The following ABCB5 variants were observed in gnomAD, a reference collection of about 807,000 sequenced individuals.
The protein encoded by ABCB5 is ATP-binding cassette sub-family B member 5.
A neutral mutation model predicts 144.2 loss-of-function variants in ABCB5; 155 were observed. The ratio of observed to expected loss-of-function variants is 1.08; its 90% CI spans 0.94 to 1.23. ABCB5 has a LOEUF of 1.23. Among genes scored for constraint, ABCB5 ranks in the 50% most tolerant of loss-of-function variants. The pLI is 0.00. For synonymous variants in ABCB5, 610 were observed against 528.6 expected, an observed-to-expected ratio of 1.15 and a Z score of -2.11; for missense variants, 1,830 against 1,520.8, an observed-to-expected ratio of 1.20 and a Z score of -3.38.
chr7:20,736,745 T>G (rs998680032), intron 23 of ABCB5, among the ~76,000 whole-genome samples: 1 of 152,194 alleles, frequency 6.6e-6, no homozygotes, highest in African/African-American at 2.4e-5. Context: ...AATAAATACT[T>G]GTTGAGTGGA....
rs1783085746 is a variant in ABCB5, at chr7:20,756,320, G to A, written c.*696G>A. On this transcript the variant is annotated 3_prime_UTR_variant, in exon 28 of 28. Coordinates refer to ENST00000404938, the MANE Select transcript of ABCB5 (RefSeq NM_001163941.2). ...GGCAGTATAAGTCACAGGCCTACCTGTTTATGAAAACTTACTTACTTAAAA... is the reference window on the plus strand; with the variant it reads ...GGCAGTATAAGTCACAGGCCTACCTATTTATGAAAACTTACTTACTTAAAA... 1 of 152,248 alleles carries A rather than the reference G, an allele frequency of 6.6e-6. No individual in the cohort carries two copies. The highest frequency in any genetic ancestry group is 2.1e-4 in the South Asian group (1 of 4,812). 9.4% of individuals were successfully genotyped at this position (152,248 alleles called of 1,614,324 possible).
chr7:20,631,927 T>C, intron 4 of ABCB5, 132 bp from the exon 5 acceptor site: 6 of 464,176 alleles, frequency 1.3e-5, no homozygotes, highest in Non-Finnish European at 1.6e-5. Context: ...AATGAGATGA[T>C]AATAAACTGC....
At chr7:20,731,461 TC>T (rs1337956117) in intron 23 of ABCB5, among the ~76,000 whole-genome samples, 1 of 151,724 alleles carries the variant, frequency 6.6e-6, no homozygotes, top group Non-Finnish European at 1.5e-5. Flanking sequence ...CCCAGACCTT[TC>T]ATCTATTACA....
chr7:20,650,219 T>C, intron 12 of ABCB5, 72 bp downstream of exon 12: 3 of 1,549,894 alleles, frequency 1.9e-6, no homozygotes, highest in Admixed American at 1.9e-5. Flanking sequence ...CTGGCAGCTC[T>C]GTAACTTTTC....
chr7:20,697,199 T>A (rs1329064993), intron 16 of ABCB5, among the ~76,000 whole-genome samples: 1 of 152,184 alleles, frequency 6.6e-6, no homozygotes, highest in African/African-American at 2.4e-5. Context: ...TAATCCAATA[T>A]AAATGTGGGT....
chr7:20,619,709 T>C (rs1377029414), intron 1 of ABCB5, among the ~76,000 whole-genome samples: 1 of 152,220 alleles, frequency 6.6e-6, no homozygotes, highest in East Asian at 1.9e-4. Flanking sequence ...AATTTTTGCT[T>C]CTGTCACAAT....
intron 19 of ABCB5, among the ~76,000 whole-genome samples, chr7:20,702,967 A>C (rs564057142): frequency 6.6e-6 from 1 of 151,668 alleles, no homozygotes; most frequent in Non-Finnish European, 1.5e-5. Context: ...CCTATGCTGG[A>C]AAACAATCCC....
At chr7:20,653,219 A>G (rs894789447) in intron 13 of ABCB5, among the ~76,000 whole-genome samples, 1 of 152,200 alleles carries the variant, frequency 6.6e-6, no homozygotes, top group Non-Finnish European at 1.5e-5. Context: ...ATACTACACA[A>G]AGATGTCCCT....
intron 7 of ABCB5, among the ~76,000 whole-genome samples, chr7:20,644,300 A>G (rs1452700782): frequency 1.3e-5 from 2 of 151,996 alleles, no homozygotes; most frequent in Non-Finnish European, 2.9e-5. Flanking sequence ...GCTGATCTCG[A>G]ATTCTTGGGC....
At chr7:20,637,502 C>A (rs887418202) in intron 5 of ABCB5, among the ~76,000 whole-genome samples, 1 of 151,330 alleles carries the variant, frequency 6.6e-6, no homozygotes, top group Non-Finnish European at 1.5e-5. Context: ...CTCACTGCAA[C>A]CTCTGCCTCC....
intron 23 of ABCB5, among the ~76,000 whole-genome samples, chr7:20,730,640 T>C (rs554292320): frequency 1.5e-3 from 230 of 152,336 alleles, no homozygotes; most frequent in South Asian, 2.7e-3. Flanking sequence ...TGGGTTTCAT[T>C]CTGATTACAT....
chr7:20,648,133 G>A, intron 11 of ABCB5, 55 bp downstream of exon 11: 1 of 1,067,220 alleles, frequency 9.4e-7, no homozygotes, highest in Non-Finnish European at 1.4e-6. Flanking sequence ...TCTTCTACTG[G>A]CCAAGATCTT....
chr7:20,647,479 A>G (rs1289484464), intron 9 of ABCB5, 56 bp from the exon 10 acceptor site: 53 of 1,502,508 alleles, frequency 3.5e-5, no homozygotes, highest in Non-Finnish European at 4.4e-5. Flanking sequence ...ATTACATTCT[A>G]TTGTCTTTCT....
intron 9 of ABCB5, among the ~76,000 whole-genome samples, 171 bp downstream of exon 9, chr7:20,646,309 A>G (rs1011497947): frequency 2.0e-5 from 3 of 152,224 alleles, no homozygotes; most frequent in African/African-American, 7.2e-5. Flanking sequence ...ATGAATTGAC[A>G]GCATTTATTC....
intron 5 of ABCB5, among the ~76,000 whole-genome samples, chr7:20,633,324 T>C (rs1400463462): frequency 3.3e-5 from 5 of 152,104 alleles, no homozygotes; most frequent in African/African-American, 1.2e-4. Flanking sequence ...ATTGACTGGA[T>C]TTCTGTACTG....
At chr7:20,722,497 A>C (rs1254484525) in intron 20 of ABCB5, among the ~76,000 whole-genome samples, 2 of 152,216 alleles carry the variant, frequency 1.3e-5, no homozygotes, top group Admixed American at 6.5e-5. Context: ...GTATTCCACT[A>C]AACTAAAATC....
At chr7:20,749,548 T>C (rs913967955) in intron 26 of ABCB5, among the ~76,000 whole-genome samples, 4 of 151,868 alleles carry the variant, frequency 2.6e-5, no homozygotes, top group Non-Finnish European at 5.9e-5. Flanking sequence ...CCAACATCCA[T>C]GCATTTAGTC....
intron 14 of ABCB5, among the ~76,000 whole-genome samples, chr7:20,681,127 T>A (rs1338441829): frequency 1.4e-5 from 2 of 141,236 alleles, no homozygotes; most frequent in East Asian, 4.3e-4. Flanking sequence ...TTTCTTTCTT[T>A]TTCTTTCTGT....
At chr7:20,619,627 G>A (rs190992768) in intron 1 of ABCB5, among the ~76,000 whole-genome samples, 1 of 152,110 alleles carries the variant, frequency 6.6e-6, no homozygotes, top group African/African-American at 2.4e-5. Context: ...CATTTTGTAG[G>A]TTATGTGTTT....
Sources: allele counts gnomAD v4.1 joint callset (sites outside exome capture counted in the v4.1 genomes callset), GRCh38; gene constraint gnomAD v4.1.1; transcripts MANE v1.5; gene names NCBI Gene and HGNC (gene_info 2026-07-23, HGNC 2026-07-21).